Variants in RNF150 observed in about 807,000 individuals in gnomAD.
The protein encoded by RNF150 is ring finger protein 150.
A neutral mutation model predicts 39.3 loss-of-function variants in RNF150; 24 were observed. The ratio of observed to expected loss-of-function variants is 0.61; its 90% CI spans 0.44 to 0.86. The LOEUF (loss-of-function observed/expected upper bound fraction) is 0.86, where lower values mean the gene tolerates loss of function less well. Ranked by LOEUF, RNF150 falls within the 40% of genes least tolerant of loss-of-function variation. RNF150 has a pLI of 0.00. For missense variants in RNF150, 502 were observed against 587.8 expected (o/e 0.85, Z 1.51); for synonymous variants, 255 against 227.3 (o/e 1.12, Z -1.10).
rs907837630 is a variant in RNF150, at chr4:140,996,121, C to T, written c.485-28248G>A. 6.6e-5 allele frequency among the ~76,000 whole-genome samples: 10 copies of T among 152,250 alleles called. No individual in the cohort carries two copies. In the East Asian group the frequency reaches 1.4e-3, roughly 21 times the overall value. On this transcript the variant is annotated intron_variant, in intron 1 of 6. Transcript: ENST00000515673. ...ACTGTATGAGGCTGCCCTTTTTCCC[C>T]ATCCTCATCAGTATTTGCTATTGCT...
intron 1 of RNF150, among the ~76,000 whole-genome samples, chr4:141,081,547 T>C (rs951501628): frequency 6.6e-6 from 1 of 152,206 alleles, no homozygotes; most frequent in African/African-American, 2.4e-5. Flanking sequence ...ATTAAAACAG[T>C]TGCATTTTTA....
At chr4:141,138,540 T>A (rs1262417611) in intron 1 of RNF150, among the ~76,000 whole-genome samples, 1 of 152,216 alleles carries the variant, frequency 6.6e-6, no homozygotes, top group East Asian at 1.9e-4. Context: ...TCAATTTTCC[T>A]TGAAGTAACA....
intron 1 of RNF150, among the ~76,000 whole-genome samples, chr4:140,969,791 T>G (rs1733391554): frequency 6.9e-6 from 1 of 144,830 alleles, no homozygotes; most frequent in South Asian, 2.2e-4. Context: ...AGACAGAGTC[T>G]TGCTCTGTTG....
At chr4:140,923,685 A>G (rs1049400483) in intron 5 of RNF150, among the ~76,000 whole-genome samples, 2 of 152,220 alleles carry the variant, frequency 1.3e-5, no homozygotes, top group Admixed American at 6.5e-5. Flanking sequence ...TGTTTATTGC[A>G]GCACTATTCA....
At chr4:140,996,122 A>G (rs962048018) in intron 1 of RNF150, among the ~76,000 whole-genome samples, 2 of 152,094 alleles carry the variant, frequency 1.3e-5, no homozygotes, top group African/African-American at 4.8e-5. Context: ...CTTTTTCCCC[A>G]TCCTCATCAG....
chr4:140,918,301 G>T (rs374559938), intron 5 of RNF150, among the ~76,000 whole-genome samples: 7 of 151,814 alleles, frequency 4.6e-5, no homozygotes, highest in Admixed American at 4.6e-4. Context: ...CTAGCAAGAC[G>T]AATAAAGAAA....
At chr4:141,062,995 T>C (rs1210790321) in intron 1 of RNF150, among the ~76,000 whole-genome samples, 4 of 152,198 alleles carry the variant, frequency 2.6e-5, no homozygotes, top group Non-Finnish European at 4.4e-5. Context: ...GCAAAGGACA[T>C]GATTTTATTC....
intron 1 of RNF150, among the ~76,000 whole-genome samples, chr4:141,123,008 C>G (rs965003004): frequency 2.6e-5 from 4 of 152,150 alleles, no homozygotes; most frequent in Non-Finnish European, 5.9e-5. Flanking sequence ...AGACCAAGAA[C>G]AGAAACCAGG....
rs879391696 is a variant in RNF150, at chr4:140,999,942, AAAGAAG to A, written c.485-32075_485-32070del. Among the ~76,000 whole-genome samples, 27 of 34,560 alleles carry A rather than the reference AAAGAAG, an allele frequency of 7.8e-4. 2 individuals are homozygous for A. The highest frequency in any genetic ancestry group is 0.016 in the Middle Eastern group (1 of 64). The allele number at this position is 34,560 out of a possible 152,430, so 22.7% of individuals were successfully genotyped here. On this transcript the variant is annotated intron_variant, in intron 1 of 6. Coordinates refer to ENST00000515673, the MANE Select transcript of RNF150 (RefSeq NM_020724.2). ...AACAGAGTGAGACTTGGTCTCAAAA[AAAGAAG>A]AAGAAGAAGAAGAAGAAGAAGAAGA...
chr4:141,164,543 G>A (rs76506831), intron 1 of RNF150, among the ~76,000 whole-genome samples: 1 of 152,082 alleles, frequency 6.6e-6, no homozygotes, highest in African/African-American at 2.4e-5. Flanking sequence ...AATGTTATAG[G>A]CATCCAGAGA....
chr4:141,118,342 AG>A (rs1726496089), intron 1 of RNF150, among the ~76,000 whole-genome samples: 1 of 152,154 alleles, frequency 6.6e-6, no homozygotes, highest in African/African-American at 2.4e-5. Context: ...CTTCTCTCTC[AG>A]GTTTTTCTGA....
At chr4:140,952,517 C>T (rs1462964033) in intron 2 of RNF150, among the ~76,000 whole-genome samples, 1 of 152,146 alleles carries the variant, frequency 6.6e-6, no homozygotes, top group African/African-American at 2.4e-5. Context: ...CTTTTGAAAA[C>T]ATCCGCTCAG....
intron 1 of RNF150, among the ~76,000 whole-genome samples, chr4:140,969,218 T>G (rs1288009336): frequency 6.6e-6 from 1 of 152,166 alleles, no homozygotes; most frequent in Non-Finnish European, 1.5e-5. Flanking sequence ...TTGATGGTGT[T>G]TCACTTAGGC....
At chr4:141,098,047 A>G (rs1470521290) in intron 1 of RNF150, among the ~76,000 whole-genome samples, 1 of 152,158 alleles carries the variant, frequency 6.6e-6, no homozygotes, top group Non-Finnish European at 1.5e-5. Flanking sequence ...TAAATATGTC[A>G]CACAGCTAGA....
intron 1 of RNF150, among the ~76,000 whole-genome samples, chr4:141,114,445 T>C (rs1739483979): frequency 6.6e-6 from 1 of 152,112 alleles, no homozygotes; most frequent in South Asian, 2.1e-4. Flanking sequence ...CTCCCAAGAC[T>C]AAATCAGGAA....
At chr4:140,997,113 T>C (rs1009508026) in intron 1 of RNF150, 3 of 152,188 alleles carry the variant, frequency 2.0e-5, no homozygotes, top group South Asian at 2.1e-4. Flanking sequence ...ATTCCACTTT[T>C]AGGAACTGAG....
intron 1 of RNF150, among the ~76,000 whole-genome samples, chr4:141,070,945 C>T (rs1218811978): frequency 7.4e-6 from 1 of 135,078 alleles, no homozygotes; most frequent in African/African-American, 2.8e-5. Flanking sequence ...ATATTTATTG[C>T]AGCACTATTC....
chr4:141,123,351 C>T (rs1726663379), intron 1 of RNF150, among the ~76,000 whole-genome samples: 1 of 152,142 alleles, frequency 6.6e-6, no homozygotes, highest in African/African-American at 2.4e-5. Context: ...GCAGTCCATC[C>T]AGAGACAAAA....
chr4:141,142,939 G>A lies in RNF150; in HGVS notation c.-6+69855C>T, dbSNP rs138258594. ...GGCTGGAGTGCAGTGGTGCAGTCTCGGCTCACTGCAACCTCCACCTCCCAG... is the reference window on the plus strand; with the variant it reads ...GGCTGGAGTGCAGTGGTGCAGTCTCAGCTCACTGCAACCTCCACCTCCCAG... On this transcript the variant is annotated intron_variant, in intron 1 of 7. Coordinates refer to the RNF150 transcript ENST00000420921. 5.7e-3 allele frequency among the ~76,000 whole-genome samples: 860 copies of A among 151,010 alleles called. 3 individuals are homozygous for A. Among genetic ancestry groups the A allele is most frequent in the Non-Finnish European group, 9.3e-3 (629 of 67,776 alleles).
Sources: allele counts gnomAD v4.1 joint callset (sites outside exome capture counted in the v4.1 genomes callset), GRCh38; gene constraint gnomAD v4.1.1; transcripts MANE v1.5; gene names NCBI Gene and HGNC (gene_info 2026-07-23, HGNC 2026-07-21).